Variants in TTLL6 observed in about 807,000 individuals in gnomAD.
The protein encoded by TTLL6 is tubulin tyrosine ligase like 6, also known as tubulin polyglutamylase TTLL6.
In TTLL6, 75 loss-of-function variants were observed where a neutral mutation model predicts 96.4. The ratio of observed to expected loss-of-function variants is 0.78; its 90% CI spans 0.65 to 0.94. The LOEUF is 0.94. Among genes scored for constraint, TTLL6 ranks in the 40% least tolerant of loss-of-function variants. The probability of loss-of-function intolerance (pLI) is 0.00; values close to 1 mark genes in which losing one functional copy is unlikely to be tolerated. For synonymous variants in TTLL6, 411 were observed against 419.4 expected, an observed-to-expected ratio of 0.98 and a Z score of 0.24; for missense variants, 1,030 against 1,093.0, an observed-to-expected ratio of 0.94 and a Z score of 0.81.
At chr17:48,780,197 G>A (rs2038959071) in intron 13 of TTLL6, among the ~76,000 whole-genome samples, 1 of 152,092 alleles carries the variant, frequency 6.6e-6, no homozygotes, top group African/African-American at 2.4e-5. Flanking sequence ...CCAGGCTGGA[G>A]TGCAATGGTG....
chr17:48,797,787 CAAAAAAAAAAAAA>C (rs58265844), intron 6 of TTLL6, among the ~76,000 whole-genome samples: 1 of 58,636 alleles, frequency 1.7e-5, no homozygotes, highest in East Asian at 4.8e-4. Flanking sequence ...AACTCCATCT[CAAAAAAAAAAAAA>C]AAAAAAAAAA....
At chr17:48,779,478 G>A (rs2038947511) in intron 13 of TTLL6, among the ~76,000 whole-genome samples, 1 of 151,824 alleles carries the variant, frequency 6.6e-6, no homozygotes, top group Non-Finnish European at 1.5e-5. Flanking sequence ...AGTCACTTTG[G>A]ATAAAGACTT....
intron 8 of TTLL6, among the ~76,000 whole-genome samples, chr17:48,792,576 C>A (rs2039247496): frequency 6.6e-6 from 1 of 152,114 alleles, no homozygotes; most frequent in Non-Finnish European, 1.5e-5. Flanking sequence ...AGACAATGAG[C>A]ATTTGATAAG....
At chr17:48,799,411 A>G (rs551822575) in intron 6 of TTLL6, among the ~76,000 whole-genome samples, 193 bp downstream of exon 6, 4 of 152,344 alleles carry the variant, frequency 2.6e-5, no homozygotes, top group South Asian at 2.1e-4. Flanking sequence ...GGGTAAAAGG[A>G]TAACAGACAC....
intron 2 of TTLL6, 66 bp downstream of exon 2, chr17:48,804,706 C>A: frequency 7.4e-7 from 1 of 1,349,382 alleles, no homozygotes; most frequent in African/African-American, 1.5e-5. Context: ...GCCAAGACCC[C>A]CTTCCCTCCA....
chr17:48,810,707 CA>C, intron 1 of TTLL6, among the ~76,000 whole-genome samples: 1 of 142,138 alleles, frequency 7.0e-6, no homozygotes, highest in Admixed American at 7.2e-5. Flanking sequence ...AACAATCAAA[CA>C]AAAAAACCTA....
chr17:48,792,139 C>T (rs2039237478), intron 8 of TTLL6, among the ~76,000 whole-genome samples: 1 of 152,144 alleles, frequency 6.6e-6, no homozygotes, highest in Non-Finnish European at 1.5e-5. Flanking sequence ...ACCAACTGTG[C>T]CAGGCAAACT....
At chr17:48,800,558 A>G (rs1445246208) in intron 5 of TTLL6, among the ~76,000 whole-genome samples, 5 of 152,284 alleles carry the variant, frequency 3.3e-5, no homozygotes, top group Admixed American at 1.3e-4. Context: ...CAAGCCAAGG[A>G]AAGTCTGAGA....
chr17:48,771,888 C>G (rs1406924479), intron 13 of TTLL6, among the ~76,000 whole-genome samples: 2 of 151,346 alleles, frequency 1.3e-5, no homozygotes, highest in East Asian at 3.9e-4. Flanking sequence ...CAGCCTAGCC[C>G]ACATGGCAAA....
intron 1 of TTLL6, among the ~76,000 whole-genome samples, chr17:48,813,649 A>G (rs1352752120): frequency 2.6e-5 from 4 of 152,166 alleles, no homozygotes; most frequent in African/African-American, 7.2e-5. Context: ...CCCATCTCCA[A>G]CAAGGGCTTG....
At chr17:48,774,240 T>G (rs1477363272) in intron 13 of TTLL6, among the ~76,000 whole-genome samples, 3 of 137,400 alleles carry the variant, frequency 2.2e-5, no homozygotes, top group Non-Finnish European at 4.7e-5. Flanking sequence ...GTTGTTTTTT[T>G]TTTTTTTTTT....
chr17:48,777,552 G>A (rs2038899591), intron 13 of TTLL6, among the ~76,000 whole-genome samples: 1 of 152,106 alleles, frequency 6.6e-6, no homozygotes, highest in South Asian at 2.1e-4. Context: ...CCAACCTGGT[G>A]AAACCCTGTC....
At chr17:48,777,501 C>T (rs891595655) in intron 13 of TTLL6, among the ~76,000 whole-genome samples, 2 of 152,010 alleles carry the variant, frequency 1.3e-5, no homozygotes, top group Admixed American at 6.6e-5. Flanking sequence ...GAGGCCGAGG[C>T]GGGTGGATGG....
Position 48,769,804 on chromosome 17 carries a change from G to C in TTLL6, c.2334C>G (p.Thr778=), listed in dbSNP as rs777705795. The C allele has an allele frequency of 1.9e-5, 30 of 1,614,246 alleles. No individual in the cohort carries two copies. The highest frequency in any genetic ancestry group is 2.7e-5 in the African/African-American group (2 of 75,076). The stretch of plus-strand genomic sequence containing the variant: ...AGAGCTTCCCACTCAGTTGAAGCTT[G>C]GTGAGTAGCTCGGATATCAAATGTG... ...NKPHLISELL[T]KLQLSGKLSF... is the part of the protein sequence containing the mutation. Residue 778 remains threonine, a synonymous_variant, in exon 14 of 16, where the codon ACC becomes ACG. Transcript: ENST00000393382.
intron 3 of TTLL6, among the ~76,000 whole-genome samples, chr17:48,803,316 G>A (rs561105342): frequency 1.4e-4 from 22 of 151,848 alleles, no homozygotes; most frequent in African/African-American, 3.4e-4. Context: ...CCAATGCTGC[G>A]AAACCCCATC....
chr17:48,784,233 C>T (rs547045976), intron 13 of TTLL6, among the ~76,000 whole-genome samples: 1 of 152,154 alleles, frequency 6.6e-6, no homozygotes, highest in Admixed American at 6.5e-5. Flanking sequence ...ATGGTGAAAC[C>T]TTCTCGACAA....
intron 1 of TTLL6, among the ~76,000 whole-genome samples, chr17:48,809,075 T>C (rs556194576): frequency 6.6e-6 from 1 of 152,350 alleles, no homozygotes; most frequent in East Asian, 1.9e-4. Flanking sequence ...TTCATATTCA[T>C]GCTCCCATTG....
intron 10 of TTLL6, among the ~76,000 whole-genome samples, chr17:48,788,496 G>A (rs1420218555): frequency 6.6e-6 from 1 of 152,202 alleles, no homozygotes; most frequent in Admixed American, 6.5e-5. Flanking sequence ...TTTTACAGCA[G>A]GGAAACCCAG....
At chr17:48,763,785 C>A (rs560991185) in intron 15 of TTLL6, among the ~76,000 whole-genome samples, 4 of 151,590 alleles carry the variant, frequency 2.6e-5, no homozygotes, top group Non-Finnish European at 4.4e-5. Context: ...AGCGACAGAG[C>A]AAGACTCTGT....
Sources: gnomAD v4.1 joint callset for allele counts (sites outside exome capture counted in the v4.1 genomes callset) on GRCh38, gnomAD v4.1.1 for gene constraint, MANE v1.5 for transcripts, NCBI Gene and HGNC (gene_info 2026-07-23, HGNC 2026-07-21) for gene names.